The following DPF3 variants were observed in gnomAD, a reference collection of about 807,000 sequenced individuals.
DPF3 encodes double PHD fingers 3.
Under a neutral mutation model 56.8 loss-of-function variants are expected in DPF3, and 18 were observed. That is an observed-to-expected ratio of 0.32 (90% CI 0.22 to 0.47). The LOEUF (loss-of-function observed/expected upper bound fraction) is 0.47, where lower values mean the gene tolerates loss of function less well. Ranked by LOEUF, DPF3 falls within the 20% of genes least tolerant of loss-of-function variation. DPF3 has a pLI of 1.00. For missense variants in DPF3, 403 were observed against 488.8 expected (o/e 0.82, Z 1.65); for synonymous variants, 188 against 180.2 (o/e 1.04, Z -0.35).
chr14:72,803,070 G>A (rs1378574077), intron 1 of DPF3, among the ~76,000 whole-genome samples: 1 of 152,204 alleles, frequency 6.6e-6, no homozygotes, highest in African/African-American at 2.4e-5. Flanking sequence ...GTGTCAGATG[G>A]AGAACAAATA....
intron 8 of DPF3, among the ~76,000 whole-genome samples, chr14:72,638,479 G>A (rs1027554997): frequency 1.3e-5 from 2 of 151,924 alleles, no homozygotes; most frequent in South Asian, 2.1e-4. Context: ...CTACTGTCCT[G>A]AGTACATCCA....
rs1883590283 is a variant in DPF3 at position 72,609,338 on chromosome 14, G to A, written c.*9959C>T. Reference sequence around the variant, plus strand: ...GAGGTGGGGTGGTCCTGGCACGTGGGCCACCAGTCTTCTGAATGAAGAGTG... The same window carrying A: ...GAGGTGGGGTGGTCCTGGCACGTGGACCACCAGTCTTCTGAATGAAGAGTG... On this transcript the variant is annotated 3_prime_UTR_variant, in exon 11 of 11. Coordinates refer to ENST00000556509, the MANE Select transcript of DPF3 (RefSeq NM_001280542.3). 6.6e-6 allele frequency among the ~76,000 whole-genome samples: 1 copy of A among 152,188 alleles called. No homozygotes were observed. The highest frequency in any genetic ancestry group is 2.1e-4 in the South Asian group (1 of 4,820).
chr14:72,888,837 T>C (rs1371061029), intron 1 of DPF3, among the ~76,000 whole-genome samples: 1 of 152,196 alleles, frequency 6.6e-6, no homozygotes. Flanking sequence ...CCACAAAAGT[T>C]ACTTTGCAGA....
chr14:72,688,624 T>C (rs1210758959), intron 7 of DPF3, among the ~76,000 whole-genome samples: 1 of 152,228 alleles, frequency 6.6e-6, no homozygotes, highest in Non-Finnish European at 1.5e-5. Context: ...GTCACAATGG[T>C]ATGCTTCTGA....
At chr14:72,709,861 T>C (rs1223027664) in intron 6 of DPF3, among the ~76,000 whole-genome samples, 1 of 152,218 alleles carries the variant, frequency 6.6e-6, no homozygotes, top group Non-Finnish European at 1.5e-5. Flanking sequence ...CCTAGCGCTC[T>C]ACACACCCTA....
At chr14:72,780,110 CA>C (rs1282195264) in intron 1 of DPF3, among the ~76,000 whole-genome samples, 3 of 152,224 alleles carry the variant, frequency 2.0e-5, no homozygotes, top group African/African-American at 7.2e-5. Flanking sequence ...GACCCCCCTG[CA>C]TATATGAAAC....
chr14:72,637,674 C>T (rs1245350309), intron 8 of DPF3, among the ~76,000 whole-genome samples: 1 of 152,118 alleles, frequency 6.6e-6, no homozygotes, highest in African/African-American at 2.4e-5. Context: ...AATCTGCTAT[C>T]CATGAAGCTG....
At chr14:72,878,233 AT>A (rs574474759) in intron 1 of DPF3, among the ~76,000 whole-genome samples, 135 of 152,250 alleles carry the variant, frequency 8.9e-4, no homozygotes, top group Non-Finnish European at 1.5e-3. Context: ...CCAACACAGA[AT>A]TATTTGGAGG....
At chr14:72,893,021 A>AAGGCAGGCAGGCAGGCAGGC (rs1567273903) in intron 1 of DPF3, among the ~76,000 whole-genome samples, 1 of 135,454 alleles carries the variant, frequency 7.4e-6, no homozygotes, top group Non-Finnish European at 1.7e-5. Context: ...GGAAGGAAGG[A>AAGGCAGGCAGGCAGGCAGGC]AGGATGAAAA....
chr14:72,724,002 C>A (rs1465544527), intron 4 of DPF3: 6 of 327,408 alleles, frequency 1.8e-5, no homozygotes, highest in African/African-American at 2.2e-5. Flanking sequence ...AGTTTTCTAA[C>A]AAGAGACTAT....
In DPF3 at chr14:72,669,936, G is replaced by A. The variant is rs568616207; in HGVS notation, c.871+4304C>T. ...TGGTTTTGCCCACATTGCAAGACAG[G>A]TTAGCCAAGACATACCTTTTGACTA... On this transcript the variant is annotated intron_variant, in intron 8 of 10. Coordinates refer to ENST00000556509, the MANE Select transcript of DPF3 (RefSeq NM_001280542.3). 24 of 985,944 alleles carry A rather than the reference G, an allele frequency of 2.4e-5. No individual in the cohort carries two copies. In the South Asian group the frequency reaches 1.1e-3, roughly 44 times the overall value. 61.1% of individuals were successfully genotyped at this position (985,944 alleles called of 1,614,324 possible).
At chr14:72,726,660 A>G (rs1190048569) in intron 4 of DPF3, among the ~76,000 whole-genome samples, 1 of 152,166 alleles carries the variant, frequency 6.6e-6, no homozygotes, top group Non-Finnish European at 1.5e-5. Flanking sequence ...GCGGAGGGGG[A>G]GTCCTGCATC....
At chr14:72,809,749 A>C (rs1882954650) in intron 1 of DPF3, among the ~76,000 whole-genome samples, 2 of 152,200 alleles carry the variant, frequency 1.3e-5, no homozygotes. Flanking sequence ...AGGAGACCCA[A>C]GAACCCAACT....
At chr14:72,768,729 T>C (rs1891389558) in intron 2 of DPF3, among the ~76,000 whole-genome samples, 1 of 152,050 alleles carries the variant, frequency 6.6e-6, no homozygotes, top group South Asian at 2.1e-4. Context: ...AACAAATAAA[T>C]CCAACTGTGT....
intron 1 of DPF3, among the ~76,000 whole-genome samples, chr14:72,861,045 AC>A (rs1218942273): frequency 3.6e-5 from 5 of 140,554 alleles, no homozygotes; most frequent in African/African-American, 1.5e-4. Context: ...ACACACACAC[AC>A]ACACACACAC....
At chr14:72,873,338 G>T (rs1164393812) in intron 1 of DPF3, among the ~76,000 whole-genome samples, 1 of 152,194 alleles carries the variant, frequency 6.6e-6, no homozygotes, top group Non-Finnish European at 1.5e-5. Flanking sequence ...ATCATCACTG[G>T]CCATCAGAGA....
At chr14:72,671,540 C>T (rs1427206284) in intron 8 of DPF3, 3 of 777,392 alleles carry the variant, frequency 3.9e-6, no homozygotes, top group African/African-American at 1.7e-5. Flanking sequence ...TCCCCCACTC[C>T]CCGAAAAGGC....
At chr14:72,749,825 G>A (rs980941043) in intron 3 of DPF3, among the ~76,000 whole-genome samples, 3 of 151,392 alleles carry the variant, frequency 2.0e-5, no homozygotes, top group Admixed American at 1.3e-4. Flanking sequence ...TGCAGCCAGG[G>A]TGACAGAGTG....
intron 3 of DPF3, among the ~76,000 whole-genome samples, chr14:72,739,896 G>A (rs1245739628): frequency 6.6e-6 from 1 of 152,208 alleles, no homozygotes; most frequent in African/African-American, 2.4e-5. Flanking sequence ...TTATATTCTA[G>A]CAAGAGAGAA....
Sources: allele counts gnomAD v4.1 joint callset (sites outside exome capture counted in the v4.1 genomes callset), GRCh38; gene constraint gnomAD v4.1.1; transcripts MANE v1.5; gene names NCBI Gene and HGNC (gene_info 2026-07-23, HGNC 2026-07-21).